Variants in SPATA6 observed in about 807,000 individuals in gnomAD.
The protein encoded by SPATA6 is spermatogenesis associated 6, also known as spermatogenesis-associated protein 6.
In SPATA6, 56 loss-of-function variants were observed where a neutral mutation model predicts 65.3. That is an observed-to-expected ratio of 0.86 (90% confidence interval 0.69 to 1.07). The LOEUF (loss-of-function observed/expected upper bound fraction) is 1.07, where lower values mean the gene tolerates loss of function less well. Ranked by LOEUF, SPATA6 falls within the 50% of genes least tolerant of loss-of-function variation. SPATA6 has a pLI of 0.00. For missense variants in SPATA6, 590 were observed against 594.8 expected (o/e 0.99, Z 0.08); for synonymous variants, 199 against 213.2 (o/e 0.93, Z 0.58).
chr1:48,291,984 C>T (rs1353036073), downstream of SPATA6, among the ~76,000 whole-genome samples: 1 of 152,078 alleles, frequency 6.6e-6, no homozygotes, highest in African/African-American at 2.4e-5. Context: ...TATCGTTTAC[C>T]TGTGTTGTCT....
At chr1:48,364,447 A>C (rs1646927619) in intron 9 of SPATA6, among the ~76,000 whole-genome samples, 1 of 152,226 alleles carries the variant, frequency 6.6e-6, no homozygotes, top group Non-Finnish European at 1.5e-5. Context: ...ATTTCTACAC[A>C]TCCTCTCCAG....
chr1:48,309,891 A>C (rs1325508381), intron 11 of SPATA6, among the ~76,000 whole-genome samples: 2 of 152,178 alleles, frequency 1.3e-5, no homozygotes, highest in African/African-American at 4.8e-5. Context: ...TTGAGAGTAC[A>C]CTTTCAACAC....
At chr1:48,466,943 C>G (rs1241866310) in intron 1 of SPATA6, among the ~76,000 whole-genome samples, 9 of 151,814 alleles carry the variant, frequency 5.9e-5, no homozygotes, top group Non-Finnish European at 1.3e-4. Flanking sequence ...TCCATTTTCC[C>G]AAATAAGCTC....
rs1658291863 is a variant in SPATA6 at position 48,471,955 on chromosome 1, C to A, written c.51+3G>T. 2 of 1,608,446 alleles carry A rather than the reference C, an allele frequency of 1.2e-6. No homozygotes were observed. The highest frequency in any genetic ancestry group is 2.7e-5 in the African/African-American group (2 of 74,488). ...GGGGGTGGGAGGCGCTACCGGTACT[C>A]ACTGAGCTGATCTCCAGCGCCAGGG... On this transcript the variant is annotated splice_donor_region_variant and intron_variant, in intron 1 of 12. Coordinates refer to ENST00000371847, the MANE Select transcript of SPATA6 (RefSeq NM_019073.4).
At chr1:48,428,809 G>GTGTGTGTGTA (rs144421737) in intron 3 of SPATA6, among the ~76,000 whole-genome samples, 11,912 of 137,302 alleles carry the variant, frequency 0.087, 573 homozygotes, top group South Asian at 0.12. Context: ...GTGTGTGTGT[G>GTGTGTGTGTA]TATATGTATA....
At chr1:48,331,771 T>C (rs1305625635) in intron 11 of SPATA6, among the ~76,000 whole-genome samples, 1 of 152,134 alleles carries the variant, frequency 6.6e-6, no homozygotes, top group East Asian at 1.9e-4. Context: ...GACATAATCA[T>C]CTGACACTCC....
chr1:48,418,827 GGGAA>G, intron 3 of SPATA6, among the ~76,000 whole-genome samples: 1 of 146,136 alleles, frequency 6.8e-6, no homozygotes, highest in Admixed American at 6.9e-5. Flanking sequence ...GAGGGAGGGA[GGGAA>G]AGAGAGAGAG....
intron 9 of SPATA6, among the ~76,000 whole-genome samples, chr1:48,365,138 G>A (rs1224429400): frequency 6.6e-6 from 1 of 152,104 alleles, no homozygotes; most frequent in East Asian, 1.9e-4. Context: ...TGAGGGCTCT[G>A]TTCTGTTCCA....
chr1:48,291,445 G>A (rs768069741), downstream of SPATA6, among the ~76,000 whole-genome samples: 1 of 152,120 alleles, frequency 6.6e-6, no homozygotes, highest in African/African-American at 2.4e-5. Context: ...GGCCAATGAA[G>A]TTATGTTCCC....
chr1:48,364,777 T>A (rs2148832322), intron 9 of SPATA6, among the ~76,000 whole-genome samples: 1 of 152,368 alleles, frequency 6.6e-6, no homozygotes, highest in African/African-American at 2.4e-5. Context: ...TAGTTTCTTT[T>A]GCTGTGCAGA....
intron 3 of SPATA6, among the ~76,000 whole-genome samples, chr1:48,430,940 AAATG>A (rs1367019295): frequency 6.6e-6 from 1 of 152,170 alleles, no homozygotes; most frequent in Non-Finnish European, 1.5e-5. Flanking sequence ...CTTTAAATGT[AAATG>A]AATTAAAGCA....
At chr1:48,385,411 C>G (rs1344574080) in intron 8 of SPATA6, 62 bp from the exon 9 acceptor site, 3 of 1,400,398 alleles carry the variant, frequency 2.1e-6, no homozygotes, top group Non-Finnish European at 3.0e-6. Flanking sequence ...ATTTTTAATA[C>G]TATCATTGTT....
At chr1:48,347,205 A>G (rs975022158) in intron 11 of SPATA6, among the ~76,000 whole-genome samples, 1 of 151,976 alleles carries the variant, frequency 6.6e-6, no homozygotes, top group Non-Finnish European at 1.5e-5. Flanking sequence ...GAGAAAAACA[A>G]GCAATGGGGA....
In SPATA6 at chr1:48,413,113, G is replaced by C; in HGVS notation, c.277C>G (p.Pro93Ala). ...AVFELIQLVPPVGETLSTYDE... is the reference protein window; with the variant it reads ...AVFELIQLVPAVGETLSTYDE... ...ATATTACATCAATATATATTACCTG[G>C]TGGAACTAGCTGTATCAACTCGAAC... Residue 93 changes from proline (P) to alanine (A), a missense_variant, in exon 4 of 13, where the codon CCA (proline) becomes GCA (alanine). Pro to Ala is a conservative substitution (Grantham distance 27, BLOSUM62 -1). Coordinates refer to ENST00000371847, the MANE Select transcript of SPATA6 (RefSeq NM_019073.4). The C allele has an allele frequency of 7.5e-7, 1 of 1,342,178 alleles. No homozygotes were observed. Among genetic ancestry groups the C allele is most frequent in the Non-Finnish European group, 9.7e-7 (1 of 1,031,398 alleles). The allele number at this position is 1,342,178 out of a possible 1,614,324, so 83.1% of individuals were successfully genotyped here.
At chr1:48,307,902 G>C (rs774628323) in intron 11 of SPATA6, among the ~76,000 whole-genome samples, 1 of 151,828 alleles carries the variant, frequency 6.6e-6, no homozygotes, top group African/African-American at 2.4e-5. Context: ...TCCAATATTT[G>C]TGTAGCCACT....
the SPATA6 span, among the ~76,000 whole-genome samples, chr1:48,276,350 T>C: frequency 6.6e-6 from 1 of 152,078 alleles, no homozygotes; most frequent in African/African-American, 2.4e-5. Flanking sequence ...AGTTCTTCTC[T>C]GATCTTATTT....
chr1:48,327,984 GT>G (rs891905363), intron 11 of SPATA6, among the ~76,000 whole-genome samples: 6 of 151,958 alleles, frequency 3.9e-5, no homozygotes, highest in Non-Finnish European at 8.8e-5. Context: ...ATTTTAAAAA[GT>G]TTTTTAAAAA....
rs527413367 is a variant in SPATA6 at position 48,331,776 on chromosome 1, C to T, written c.1194+23894G>A. 4.7e-4 allele frequency among the ~76,000 whole-genome samples: 72 copies of T among 152,222 alleles called. 2 individuals are homozygous for T. The South Asian group carries it at 0.014, about 30-fold the overall frequency. On this transcript the variant is annotated intron_variant, in intron 11 of 12. Coordinates refer to ENST00000371847, the MANE Select transcript of SPATA6 (RefSeq NM_019073.4). ...TCATCCCCAAGACATAATCATCTGA[C>T]ACTCCAAGGTTGAAATGAAAGAAAA... is the stretch of plus-strand genomic sequence containing the variant.
At chr1:48,300,244 T>G (rs939411586) in intron 12 of SPATA6, among the ~76,000 whole-genome samples, 2 of 152,216 alleles carry the variant, frequency 1.3e-5, no homozygotes, top group African/African-American at 4.8e-5. Context: ...TGAGTTTATT[T>G]TCTTATATAA....
Sources: allele counts gnomAD v4.1 joint callset (sites outside exome capture counted in the v4.1 genomes callset), GRCh38; gene constraint gnomAD v4.1.1; transcripts MANE v1.5; gene names NCBI Gene and HGNC (gene_info 2026-07-23, HGNC 2026-07-21).